Variants in RSRC1 observed in about 807,000 individuals in gnomAD.
The protein encoded by RSRC1 is serine/Arginine-related protein 53.
In RSRC1, 39 loss-of-function variants were observed where a neutral mutation model predicts 49.1. That is an observed-to-expected ratio of 0.79 (90% CI 0.61 to 1.04). The LOEUF is 1.04. Among genes scored for constraint, RSRC1 ranks in the 50% least tolerant of loss-of-function variants. The probability of loss-of-function intolerance (pLI) is 0.00; values close to 1 mark genes in which losing one functional copy is unlikely to be tolerated. For synonymous variants in RSRC1, 143 were observed against 130.8 expected (o/e 1.09, Z -0.63); for missense variants, 388 against 402.4 (o/e 0.96, Z 0.31).
intron 4 of RSRC1, among the ~76,000 whole-genome samples, chr3:158,282,005 G>T (rs955851464): frequency 1.3e-5 from 2 of 152,142 alleles, no homozygotes; most frequent in Non-Finnish European, 2.9e-5. Flanking sequence ...GAAGAAAGCT[G>T]CCCTCCTCAT....
intron 7 of RSRC1, among the ~76,000 whole-genome samples, chr3:158,493,190 A>G (rs987147026): frequency 6.6e-6 from 1 of 152,206 alleles, no homozygotes; most frequent in Non-Finnish European, 1.5e-5. Context: ...AGCCCTAATC[A>G]TCATCTACTG....
intron 3 of RSRC1, among the ~76,000 whole-genome samples, chr3:158,166,906 G>C (rs1408652319): frequency 6.6e-6 from 1 of 152,138 alleles, no homozygotes; most frequent in Non-Finnish European, 1.5e-5. Flanking sequence ...ATAAGTACCC[G>C]AACTTCTACA....
At chr3:158,124,462 T>A (rs893336848) in intron 3 of RSRC1, among the ~76,000 whole-genome samples, 2 of 152,210 alleles carry the variant, frequency 1.3e-5, no homozygotes, top group African/African-American at 2.4e-5. Context: ...TCCCTCCTTT[T>A]CAGTTTTTTT....
chr3:158,516,144 A>G (rs1038880779), intron 7 of RSRC1, among the ~76,000 whole-genome samples: 1 of 152,200 alleles, frequency 6.6e-6, no homozygotes, highest in Non-Finnish European at 1.5e-5. Flanking sequence ...CTGGTGAGGA[A>G]CTGCGTTCCT....
chr3:158,426,526 CA>C (rs1200562611), intron 6 of RSRC1, among the ~76,000 whole-genome samples: 1 of 151,456 alleles, frequency 6.6e-6, no homozygotes, highest in African/African-American at 2.4e-5. Context: ...TGCCAAAAAT[CA>C]AAAAGTCCAA....
At chr3:158,485,439 A>G (rs765754280) in intron 7 of RSRC1, among the ~76,000 whole-genome samples, 22 of 152,146 alleles carry the variant, frequency 1.4e-4, no homozygotes, top group Non-Finnish European at 3.1e-4. Flanking sequence ...TGAATATATT[A>G]AGATAATTCA....
intron 4 of RSRC1, among the ~76,000 whole-genome samples, chr3:158,231,582 T>C (rs527483313): frequency 6.6e-6 from 1 of 152,312 alleles, no homozygotes; most frequent in Admixed American, 6.5e-5. Flanking sequence ...TGCTGCTCTT[T>C]AGAAATCCAG....
chr3:158,513,788 A>G (rs1428273711), intron 7 of RSRC1, among the ~76,000 whole-genome samples: 1 of 152,146 alleles, frequency 6.6e-6, no homozygotes, highest in East Asian at 1.9e-4. Flanking sequence ...TATTGCCACA[A>G]TTTCAGATCC....
intron 7 of RSRC1, among the ~76,000 whole-genome samples, chr3:158,524,948 A>G (rs144344288): frequency 6.6e-6 from 1 of 152,050 alleles, no homozygotes; most frequent in African/African-American, 2.4e-5. Context: ...GAAATGTATT[A>G]TAAACCTAAT....
intron 6 of RSRC1, among the ~76,000 whole-genome samples, chr3:158,438,356 G>A (rs1481106219): frequency 6.6e-6 from 1 of 152,112 alleles, no homozygotes; most frequent in Non-Finnish European, 1.5e-5. Flanking sequence ...AAACCACATA[G>A]CCAAGACAAT....
At chr3:158,392,730 G>A (rs997972533) in intron 6 of RSRC1, among the ~76,000 whole-genome samples, 2 of 152,022 alleles carry the variant, frequency 1.3e-5, no homozygotes, top group Admixed American at 6.6e-5. Flanking sequence ...ACTAATAGTG[G>A]AAGACTTCAA....
At chr3:158,516,816 C>T (rs1576601354) in intron 7 of RSRC1, among the ~76,000 whole-genome samples, 1 of 152,178 alleles carries the variant, frequency 6.6e-6, no homozygotes, top group East Asian at 1.9e-4. Context: ...TTTTTTAAGC[C>T]CGTCGGAAAA....
chr3:158,368,944 GAAAT>G (rs978356382), intron 6 of RSRC1, among the ~76,000 whole-genome samples: 5 of 151,974 alleles, frequency 3.3e-5, no homozygotes, highest in Non-Finnish European at 7.4e-5. Context: ...ATAAGTGAAA[GAAAT>G]AATTAATGTA....
At chr3:158,261,903 A>G (rs1189285975) in intron 4 of RSRC1, among the ~76,000 whole-genome samples, 3 of 152,194 alleles carry the variant, frequency 2.0e-5, no homozygotes, top group Non-Finnish European at 2.9e-5. Flanking sequence ...ATAGTAATAG[A>G]AATATAGTGC....
At chr3:158,141,785 T>A (rs1373588955) in intron 3 of RSRC1, among the ~76,000 whole-genome samples, 5 of 152,120 alleles carry the variant, frequency 3.3e-5, no homozygotes, top group African/African-American at 9.7e-5. Context: ...ATTAAAAGAT[T>A]AGGTTATGAG....
intron 3 of RSRC1, among the ~76,000 whole-genome samples, chr3:158,131,048 A>G (rs1258949602): frequency 1.3e-5 from 2 of 152,112 alleles, no homozygotes; most frequent in Non-Finnish European, 1.5e-5. Flanking sequence ...GAACGTGGGC[A>G]AACTTGCCTT....
chr3:158,318,646 A>G (rs1296362507), intron 5 of RSRC1, among the ~76,000 whole-genome samples: 4 of 152,060 alleles, frequency 2.6e-5, no homozygotes, highest in Middle Eastern at 3.2e-3. Context: ...CTGTCCCATA[A>G]CACTGTTGAT....
intron 3 of RSRC1, among the ~76,000 whole-genome samples, chr3:158,194,055 AC>A (rs1720397186): frequency 8.3e-4 from 1 of 1,204 alleles, no homozygotes; most frequent in African/African-American, 6.7e-3. Flanking sequence ...CCCCGTCTAT[AC>A]ACACACACAC....
intron 1 of RSRC1, among the ~76,000 whole-genome samples, chr3:158,110,818 T>C (rs1714338355): frequency 6.6e-6 from 1 of 152,230 alleles, no homozygotes; most frequent in South Asian, 2.1e-4. Flanking sequence ...CTTTGACTTC[T>C]GTACTGGTGG....
Sources: gnomAD v4.1 joint callset for allele counts (sites outside exome capture counted in the v4.1 genomes callset) on GRCh38, gnomAD v4.1.1 for gene constraint, MANE v1.5 for transcripts, NCBI Gene and HGNC (gene_info 2026-07-23, HGNC 2026-07-21) for gene names.